IL1RAPL1: variants seen among roughly 807,000 people sequenced by gnomAD.
IL1RAPL1 encodes interleukin 1 receptor accessory protein like 1, also known as interleukin-1 receptor accessory protein-like 1.
A neutral mutation model predicts 48.4 loss-of-function variants in IL1RAPL1; 3 were observed. The observed-to-expected ratio is 0.06, with a 90% confidence interval of 0.03 to 0.16. The LOEUF (loss-of-function observed/expected upper bound fraction) is 0.16. IL1RAPL1 is among the 10% of genes least tolerant of loss of function. The pLI is 1.00. For missense variants in IL1RAPL1, 349 were observed against 530.6 expected (o/e 0.66, Z 3.36); for synonymous variants, 185 against 187.7 (o/e 0.99, Z 0.12).
intron 5 of IL1RAPL1, among the ~76,000 whole-genome samples, chrX:29,507,282 CCTTT>C (rs745370197): frequency 2.2e-5 from 2 of 90,576 alleles, no homozygotes; most frequent in East Asian, 6.9e-4. Context: ...TTCTTTCCTT[CCTTT>C]CTTTCTCTCT....
chrX:28,701,646 A>G (rs1449514591), intron 1 of IL1RAPL1, among the ~76,000 whole-genome samples: 1 of 111,678 alleles, frequency 9.0e-6, no homozygotes, highest in East Asian at 2.8e-4. Context: ...TCCTTTATGC[A>G]GGAGTTAGAA....
chrX:29,007,685 G>A (rs1027706124), intron 2 of IL1RAPL1, among the ~76,000 whole-genome samples: 1 of 111,256 alleles, frequency 9.0e-6, no homozygotes, highest in Non-Finnish European at 1.9e-5. Flanking sequence ...AAAATGGAGG[G>A]GACATGCTAA....
At chrX:29,268,926 CATATT>C (rs1931998134) in intron 2 of IL1RAPL1, among the ~76,000 whole-genome samples, 1 of 111,762 alleles carries the variant, frequency 8.9e-6, no homozygotes. Context: ...TTGTCTGAAA[CATATT>C]AAAGGAAAGG....
intron 5 of IL1RAPL1, among the ~76,000 whole-genome samples, chrX:29,592,778 G>C (rs191519252): frequency 1.7e-4 from 19 of 108,903 alleles, no homozygotes; most frequent in African/African-American, 5.9e-4. Context: ...GCCGAGAGGA[G>C]CCCCCCTCAC....
intron 2 of IL1RAPL1, among the ~76,000 whole-genome samples, chrX:28,909,053 C>T (rs1316565724): frequency 9.0e-6 from 1 of 110,659 alleles, no homozygotes; most frequent in African/African-American, 3.3e-5. Context: ...ATTCTTTATT[C>T]TTTTATTTTC....
At chrX:29,683,371 G>C (rs932968247) in intron 6 of IL1RAPL1, among the ~76,000 whole-genome samples, 1 of 112,369 alleles carries the variant, frequency 8.9e-6, no homozygotes, top group African/African-American at 3.2e-5. Context: ...TTTCAGTCAT[G>C]AATGTCAGCT....
At chrX:29,367,152 G>T (rs1455062385) in intron 3 of IL1RAPL1, among the ~76,000 whole-genome samples, 2 of 111,177 alleles carry the variant, frequency 1.8e-5, no homozygotes, top group Non-Finnish European at 3.8e-5. Flanking sequence ...TTCTTCCCCT[G>T]CAATTCCCTG....
chrX:29,929,207 C>T (rs890876236), intron 8 of IL1RAPL1, among the ~76,000 whole-genome samples: 18 of 110,941 alleles, frequency 1.6e-4, no homozygotes, highest in Middle Eastern at 4.7e-3. Flanking sequence ...TACCATTAAG[C>T]GAAATTTGAT....
intron 2 of IL1RAPL1, among the ~76,000 whole-genome samples, chrX:28,910,969 A>G (rs1280171875): frequency 9.0e-6 from 1 of 111,585 alleles, no homozygotes; most frequent in Admixed American, 9.5e-5. Flanking sequence ...ATCTGTTGAC[A>G]CAGTCATACA....
At chrX:29,856,735 C>T (rs1045180480) in intron 6 of IL1RAPL1, among the ~76,000 whole-genome samples, 5 of 111,662 alleles carry the variant, frequency 4.5e-5, no homozygotes, top group Non-Finnish European at 1.9e-5. Flanking sequence ...AAATTGTATA[C>T]TACAATCAGC....
At chrX:29,034,864 T>G (rs1390477669) in intron 2 of IL1RAPL1, among the ~76,000 whole-genome samples, 1 of 109,362 alleles carries the variant, frequency 9.1e-6, no homozygotes, top group East Asian at 2.9e-4. Context: ...TTTTTTTTTT[T>G]TCTTTATTGA....
chrX:28,777,317 C>A (rs1317102770), intron 1 of IL1RAPL1, among the ~76,000 whole-genome samples: 1 of 111,272 alleles, frequency 9.0e-6, no homozygotes, highest in Non-Finnish European at 1.9e-5. Context: ...ACCTTGTAAT[C>A]TGGAATAATC....
At chrX:28,816,236 T>C (rs1261625615) in intron 2 of IL1RAPL1, among the ~76,000 whole-genome samples, 1 of 109,571 alleles carries the variant, frequency 9.1e-6, no homozygotes, top group African/African-American at 3.3e-5. Flanking sequence ...TTGTGGTGTT[T>C]TTAAAGTAAT....
rs1276068401 is a variant in IL1RAPL1 at position 28,689,836 on chromosome X, G to A, written c.-24-99484G>A. Among the ~76,000 whole-genome samples the A allele has an allele frequency of 4.5e-5, 5 of 111,064 alleles. No individual in the cohort carries two copies. In the East Asian group the frequency reaches 8.5e-4, roughly 19 times the overall value. Reference sequence around the variant, plus strand: ...AGCAGTCATTATCTAGAATGTTACCGGTTACTATGGCAGAAAAAAGAGAGC... The same window carrying A: ...AGCAGTCATTATCTAGAATGTTACCAGTTACTATGGCAGAAAAAAGAGAGC... On this transcript the variant is annotated intron_variant, in intron 1 of 10. Transcript: ENST00000378993.
intron 2 of IL1RAPL1, among the ~76,000 whole-genome samples, chrX:29,053,819 T>C (rs1483395792): frequency 1.1e-5 from 1 of 94,399 alleles, no homozygotes; most frequent in African/African-American, 4.8e-5. Context: ...ATTTATTGAA[T>C]AGAAAGTCCT....
intron 6 of IL1RAPL1, among the ~76,000 whole-genome samples, chrX:29,706,053 C>A: frequency 9.0e-6 from 1 of 111,710 alleles, no homozygotes; most frequent in Non-Finnish European, 1.9e-5. Flanking sequence ...ACGTGGATGG[C>A]AGCAGGCAAG....
intron 5 of IL1RAPL1, among the ~76,000 whole-genome samples, chrX:29,657,980 C>T (rs1925736152): frequency 9.0e-6 from 1 of 110,708 alleles, no homozygotes; most frequent in African/African-American, 3.3e-5. Flanking sequence ...TTTCATTTTT[C>T]TCACCATTTT....
chrX:29,472,800 C>T (rs866838467), intron 5 of IL1RAPL1, among the ~76,000 whole-genome samples: 1 of 111,616 alleles, frequency 9.0e-6, no homozygotes, highest in Admixed American at 9.5e-5. Context: ...AATGTAAATA[C>T]GCTGAAGATT....
At chrX:29,037,955 G>A (rs1157115721) in intron 2 of IL1RAPL1, among the ~76,000 whole-genome samples, 2 of 111,110 alleles carry the variant, frequency 1.8e-5, no homozygotes, top group South Asian at 3.8e-4. Flanking sequence ...GCCTCCTAGC[G>A]CCCTGTCATC....
Sources: gnomAD v4.1 joint callset for allele counts (sites outside exome capture counted in the v4.1 genomes callset) on GRCh38, gnomAD v4.1.1 for gene constraint, MANE v1.5 for transcripts, NCBI Gene and HGNC (gene_info 2026-07-23, HGNC 2026-07-21) for gene names.